The following TIMELESS variants were observed in gnomAD, a reference collection of about 807,000 sequenced individuals.
TIMELESS encodes the protein protein timeless homolog.
TIMELESS carries 124 observed loss-of-function variants against 164.3 expected under a neutral mutation model. The observed-to-expected ratio is 0.75, with a 90% CI of 0.65 to 0.88. The LOEUF is 0.88. Among genes scored for constraint, TIMELESS ranks in the 40% least tolerant of loss-of-function variants. The pLI is 0.00. For synonymous variants in TIMELESS, 564 were observed against 563.4 expected (o/e 1.00, Z -0.02); for missense variants, 1,422 against 1,491.4 (o/e 0.95, Z 0.77).
intron 1 of TIMELESS, among the ~76,000 whole-genome samples, chr12:56,435,312 A>G (rs1882034041): frequency 6.6e-6 from 1 of 152,042 alleles, no homozygotes; most frequent in Non-Finnish European, 1.5e-5. Context: ...AGTGAATAGA[A>G]ACTGGTACAT....
intron 1 of TIMELESS, 97 bp from the exon 2 acceptor site, chr12:56,434,328 G>A: frequency 1.6e-6 from 1 of 634,186 alleles, no homozygotes. Flanking sequence ...TTCTGAACAA[G>A]ATCCTCAAAT....
At position 56,428,998 on chromosome 12, in the gene TIMELESS, C is replaced by T. The variant is rs1881775531; in HGVS notation, c.1189G>A (p.Gly397Ser). The T allele has an allele frequency of 2.5e-6, 4 of 1,614,166 alleles. No homozygotes were observed. Among genetic ancestry groups the T allele is most frequent in the Non-Finnish European group, 3.4e-6 (4 of 1,180,042 alleles). The change falls in exon 11 of 29, where the codon GGC becomes AGC. Residue 397 changes from glycine to serine, a missense_variant. Coordinates refer to ENST00000553532, the MANE Select transcript of TIMELESS (RefSeq NM_003920.5). ...AFNRAASFRP[G>S]LVSETLSVRT... ...ACACTGAGGGTCTCAGAAACCAGGC[C>T]TGGCCGGAAGGAGGCAGCTCGGTTG...
At position 56,430,106 on chromosome 12, in the gene TIMELESS, T is replaced by C. The variant is rs769977329; in HGVS notation, c.1085A>G (p.Lys362Arg). Residue 362 changes from lysine to arginine, a missense_variant and splice_region_variant, in exon 10 of 29, where the codon AAG becomes AGG. Coordinates refer to ENST00000553532, the MANE Select transcript of TIMELESS (RefSeq NM_003920.5). ...TCCATATCCTTCACAGGTTCTCACC[T>C]TTACTGATCCCATGAGCCGGTTGTA... is the stretch of plus-strand genomic sequence containing the variant. ...NCYNRLMGSV[K>R]DHLLREKAQQ... 1.2e-6 allele frequency: 2 copies of C among 1,610,462 alleles called. No individual in the cohort carries two copies. Among genetic ancestry groups the C allele is most frequent in the South Asian group, 2.2e-5 (2 of 90,546 alleles).
In TIMELESS at chr12:56,417,152, C is replaced by T. The variant is rs1881288476; in HGVS notation, c.*564G>A. The T allele has an allele frequency of 6.5e-6, 1 of 154,480 alleles. No individual in the cohort carries two copies. The highest frequency in any genetic ancestry group is 1.4e-5 in the Non-Finnish European group (1 of 69,580). 9.6% of individuals were successfully genotyped at this position (154,480 alleles called of 1,614,324 possible). A position where few individuals can be genotyped will look rare whatever the true frequency, so the allele number is the denominator to read the frequency against. ...AACTTCTAATCTTACATGTTTAATACCAAACACAAAGCAAACACATTCATC... is the reference window on the plus strand; with the variant it reads ...AACTTCTAATCTTACATGTTTAATATCAAACACAAAGCAAACACATTCATC... On this transcript the variant is annotated 3_prime_UTR_variant, in exon 29 of 29. Transcript: ENST00000553532.
chr12:56,433,720 C>G, intron 3 of TIMELESS, 53 bp downstream of exon 3: 3 of 1,613,654 alleles, frequency 1.9e-6, no homozygotes, highest in Non-Finnish European at 2.5e-6. Context: ...AACCTATCAG[C>G]TCAAACACCA....
chr12:56,420,961 A>C lies in TIMELESS; in HGVS notation c.3040+2T>G. ...GACATCTCTCCCAGCCAAAGTCCTC[A>C]CCTTCCTGATGCAGGCTTTGACCAA... On this transcript the variant is annotated splice_donor_variant, in intron 24 of 28. Coordinates refer to ENST00000553532, the MANE Select transcript of TIMELESS (RefSeq NM_003920.5). LOFTEE classifies it high-confidence loss of function. 6.2e-7 allele frequency: 1 copy of C among 1,614,072 alleles called. No individual in the cohort carries two copies. The highest frequency in any genetic ancestry group is 8.5e-7 in the Non-Finnish European group (1 of 1,180,004).
intron 1 of TIMELESS, among the ~76,000 whole-genome samples, chr12:56,448,014 G>C (rs1192367855): frequency 6.6e-6 from 1 of 152,146 alleles, no homozygotes; most frequent in Non-Finnish European, 1.5e-5. Context: ...GCCAGACTGA[G>C]AGGCCACAGA....
Position 56,425,014 on chromosome 12 carries a change from C to CCA in TIMELESS, c.1716_1716+1insTG (p.Asn573Ter). On this transcript the variant is annotated frameshift_variant and splice_region_variant. Transcript: ENST00000553532. LOFTEE classifies it high-confidence loss of function. ...AAGACAGGGTTTCTGTAACCACCTACCTGGGCACAGCACTGTAGCTGCTCA... is the reference window on the plus strand; with the variant it reads ...AAGACAGGGTTTCTGTAACCACCTACCACTGGGCACAGCACTGTAGCTGCTCA... The CCA allele has an allele frequency of 6.2e-7, 1 of 1,614,204 alleles. No individual in the cohort carries two copies. Among genetic ancestry groups the CCA allele is most frequent in the Non-Finnish European group, 8.5e-7 (1 of 1,180,024 alleles).
Position 56,437,380 on chromosome 12 carries a change from C to T in TIMELESS, c.-61-3149G>A, listed in dbSNP as rs558001124. On this transcript the variant is annotated intron_variant, in intron 1 of 28. Coordinates refer to ENST00000553532, the MANE Select transcript of TIMELESS (RefSeq NM_003920.5). ...TTGTACAAAACCAAAAATAGTAATACCTTTTCCTAGTACACTCAAGTTTGC... is the reference window on the plus strand; with the variant it reads ...TTGTACAAAACCAAAAATAGTAATATCTTTTCCTAGTACACTCAAGTTTGC... Among the ~76,000 whole-genome samples, 14 of 151,678 alleles carry T rather than the reference C, an allele frequency of 9.2e-5. No individual in the cohort carries two copies. In the South Asian group the frequency reaches 2.7e-3, roughly 29 times the overall value.
At chr12:56,424,961 T>G in intron 14 of TIMELESS, 48 bp from the exon 15 acceptor site, 1 of 1,613,944 alleles carries the variant, frequency 6.2e-7, no homozygotes. Flanking sequence ...AAAACCCAGA[T>G]TGTATACCCT....
chr12:56,449,095 G>A (rs1018416450), intron 1 of TIMELESS, among the ~76,000 whole-genome samples: 2 of 152,252 alleles, frequency 1.3e-5, no homozygotes, highest in African/African-American at 4.8e-5. Flanking sequence ...GAGCAGCGTA[G>A]GGCTAAGCCC....
intron 26 of TIMELESS, among the ~76,000 whole-genome samples, chr12:56,418,663 G>A (rs578028137): frequency 3.3e-5 from 5 of 149,908 alleles, no homozygotes; most frequent in Non-Finnish European, 7.4e-5. Flanking sequence ...CTGTAGTCTC[G>A]ATCTCTTGGG....
At position 56,417,792 on chromosome 12, in the gene TIMELESS, G is replaced by T. The variant is rs1178573147; in HGVS notation, c.3557-6C>A. ...TGGAGCTCCCAACTCTGGTGCTGTG[G>T]GAACGATGGGGGTGAGAGAGAGAGA... On this transcript the variant is annotated splice_region_variant and splice_polypyrimidine_tract_variant and intron_variant, in intron 28 of 28. Transcript: ENST00000553532. 3 of 1,613,992 alleles carry T rather than the reference G, an allele frequency of 1.9e-6. No homozygotes were observed. The highest frequency in any genetic ancestry group is 1.6e-4 in the Middle Eastern group (1 of 6,084).
intron 1 of TIMELESS, among the ~76,000 whole-genome samples, chr12:56,438,545 G>A (rs1359401914): frequency 6.6e-6 from 1 of 151,980 alleles, no homozygotes; most frequent in Non-Finnish European, 1.5e-5. Context: ...GCCAAGGCGG[G>A]AGGATCACTT....
In TIMELESS at chr12:56,431,598, C is replaced by G; in HGVS notation, c.694G>C (p.Glu232Gln). ...CCCTGCCCTACTCCCGCCAGCTGCTCGGGGTTCTAGATTGGAACAAAGAGG... is the reference window on the plus strand; with the variant it reads ...CCCTGCCCTACTCCCGCCAGCTGCTGGGGGTTCTAGATTGGAACAAAGAGG... ...VSLMFRDQNP[E>Q]QLAGVGQGRL... is the part of the protein sequence containing the mutation. Residue 232 changes from glutamate (E) to glutamine (Q), a missense_variant, in exon 8 of 29, where the codon GAG (glutamate) becomes CAG (glutamine). Transcript: ENST00000553532. The G allele has an allele frequency of 1.2e-6, 2 of 1,611,536 alleles. No homozygotes were observed. Among genetic ancestry groups the G allele is most frequent in the Non-Finnish European group, 1.7e-6 (2 of 1,179,416 alleles).
chr12:56,431,768 G>A (rs1332430295), intron 7 of TIMELESS, among the ~76,000 whole-genome samples, 164 bp from the exon 8 acceptor site: 1 of 151,670 alleles, frequency 6.6e-6, no homozygotes, highest in Non-Finnish European at 1.5e-5. Flanking sequence ...ACACCCACTG[G>A]ATGCCTGAAA....
At chr12:56,425,251 A>G (rs1295739827) in intron 13 of TIMELESS, 99 bp from the exon 14 acceptor site, 15 of 1,366,050 alleles carry the variant, frequency 1.1e-5, no homozygotes, top group Non-Finnish European at 1.3e-5. Context: ...GGACATTCAC[A>G]GAGTGCCCAT....
At chr12:56,447,066 A>G (rs1481067404) in intron 1 of TIMELESS, among the ~76,000 whole-genome samples, 2 of 150,786 alleles carry the variant, frequency 1.3e-5, no homozygotes, top group African/African-American at 4.9e-5. Context: ...CTGGAATGCA[A>G]TGGTGCAATC....
chr12:56,420,790 A>G (rs1173109226), intron 25 of TIMELESS, 23 bp downstream of exon 25: 5 of 1,614,058 alleles, frequency 3.1e-6, no homozygotes, highest in East Asian at 2.2e-5. Flanking sequence ...CTCTTCTCCT[A>G]AAAGTGTCAC....
Sources: gnomAD v4.1 joint callset for allele counts (sites outside exome capture counted in the v4.1 genomes callset) on GRCh38, gnomAD v4.1.1 for gene constraint, MANE v1.5 for transcripts, NCBI Gene and HGNC (gene_info 2026-07-23, HGNC 2026-07-21) for gene names.